Variants in CLSTN2 observed in about 807,000 individuals in gnomAD.
CLSTN2 encodes calsyntenin 2.
Under a neutral mutation model 101.2 loss-of-function variants are expected in CLSTN2, and 48 were observed. The observed-to-expected ratio is 0.47, with a 90% CI of 0.38 to 0.60. The LOEUF is 0.60. Among genes scored for constraint, CLSTN2 ranks in the 20% least tolerant of loss-of-function variants. CLSTN2 has a pLI of 0.00. For synonymous variants in CLSTN2, 481 were observed against 463.6 expected (o/e 1.04, Z -0.48); for missense variants, 1,160 against 1,238.2 (o/e 0.94, Z 0.95).
intron 8 of CLSTN2, among the ~76,000 whole-genome samples, chr3:140,483,279 C>G (rs1253302517): frequency 1.3e-5 from 2 of 152,088 alleles, no homozygotes; most frequent in Non-Finnish European, 2.9e-5. Context: ...ATCCTGAGTT[C>G]TAGTTTGATT....
At position 140,026,647 on chromosome 3, in the gene CLSTN2, G is replaced by A. The variant is rs550657525; in HGVS notation, c.109+91164G>A. Among the ~76,000 whole-genome samples the A allele has an allele frequency of 1.1e-4, 17 of 152,302 alleles. No individual in the cohort carries two copies. In the South Asian group the frequency reaches 3.5e-3, roughly 32 times the overall value. On this transcript the variant is annotated intron_variant, in intron 1 of 16. Transcript: ENST00000458420. Reference sequence around the variant, plus strand: ...CCCTCAGGGATCTTGGCCTCAGATGGCAAGGTGACCTTCCAGGCTGAATGG... The same window carrying A: ...CCCTCAGGGATCTTGGCCTCAGATGACAAGGTGACCTTCCAGGCTGAATGG...
At chr3:140,196,525 T>G (rs1264412841) in intron 2 of CLSTN2, among the ~76,000 whole-genome samples, 6 of 152,216 alleles carry the variant, frequency 3.9e-5, no homozygotes, top group Non-Finnish European at 7.3e-5. Context: ...GATATACCCA[T>G]GAAGTCTCCA....
chr3:139,982,882 C>A (rs377198689), intron 1 of CLSTN2, among the ~76,000 whole-genome samples: 5 of 151,430 alleles, frequency 3.3e-5, no homozygotes, highest in African/African-American at 9.7e-5. Flanking sequence ...TAGAGAGAGA[C>A]CATATGTATA....
At chr3:140,213,798 G>A (rs1280571532) in intron 2 of CLSTN2, among the ~76,000 whole-genome samples, 1 of 152,048 alleles carries the variant, frequency 6.6e-6, no homozygotes, top group Non-Finnish European at 1.5e-5. Flanking sequence ...TTGTGTATTG[G>A]CTTCAGTAAG....
chr3:140,128,043 G>A lies in CLSTN2; in HGVS notation c.110-47908G>A, dbSNP rs191349003. Among the ~76,000 whole-genome samples, 10 of 152,228 alleles carry A rather than the reference G, an allele frequency of 6.6e-5. No homozygotes were observed. In the East Asian group the frequency reaches 1.9e-3, roughly 29 times the overall value. On this transcript the variant is annotated intron_variant, in intron 1 of 16. Transcript: ENST00000458420. Reference sequence around the variant, plus strand: ...AGGATTCTTTGTTCTAATAAATAATGGATTCATTGTAGGGGTTCTTAACCT... The same window carrying A: ...AGGATTCTTTGTTCTAATAAATAATAGATTCATTGTAGGGGTTCTTAACCT...
chr3:140,413,429 A>C (rs1259754072), intron 4 of CLSTN2, among the ~76,000 whole-genome samples: 1 of 152,180 alleles, frequency 6.6e-6, no homozygotes, highest in East Asian at 1.9e-4. Context: ...CCCATCAAAG[A>C]AAATCCCAGG....
intron 2 of CLSTN2, among the ~76,000 whole-genome samples, chr3:140,382,142 T>C (rs375589563): frequency 1.3e-4 from 20 of 152,370 alleles, no homozygotes; most frequent in South Asian, 6.2e-4. Context: ...TGCTTACCCA[T>C]TATATCTTCC....
intron 9 of CLSTN2, among the ~76,000 whole-genome samples, chr3:140,533,472 G>A (rs1935300274): frequency 6.6e-6 from 1 of 152,088 alleles, no homozygotes; most frequent in Admixed American, 6.5e-5. Context: ...CACTTTGGGA[G>A]GCCAAAGCGG....
At chr3:140,372,613 C>T (rs2087870949) in intron 2 of CLSTN2, among the ~76,000 whole-genome samples, 1 of 152,108 alleles carries the variant, frequency 6.6e-6, no homozygotes, top group African/African-American at 2.4e-5. Context: ...GAAGACAACC[C>T]TCAGAACACA....
At chr3:140,509,669 C>T (rs1407279032) in intron 8 of CLSTN2, among the ~76,000 whole-genome samples, 3 of 152,164 alleles carry the variant, frequency 2.0e-5, no homozygotes, top group African/African-American at 7.2e-5. Flanking sequence ...CTCATCTCCT[C>T]CTGGCATGTC....
intron 2 of CLSTN2, among the ~76,000 whole-genome samples, chr3:140,287,951 G>C (rs2086911361): frequency 6.6e-6 from 1 of 152,178 alleles, no homozygotes; most frequent in Non-Finnish European, 1.5e-5. Context: ...AATCTCAGAA[G>C]ACTAAGTTGC....
intron 1 of CLSTN2, among the ~76,000 whole-genome samples, chr3:140,135,763 T>A (rs1001445729): frequency 6.6e-6 from 1 of 152,294 alleles, no homozygotes; most frequent in South Asian, 2.1e-4. Context: ...CAACTATAAT[T>A]TTTTTGCAGG....
chr3:140,058,100 A>G lies in CLSTN2; in HGVS notation c.110-117851A>G, dbSNP rs190724569. Among the ~76,000 whole-genome samples the G allele has an allele frequency of 8.1e-4, 123 of 151,740 alleles. 1 individual carries two copies. Among genetic ancestry groups the G allele is most frequent in the Middle Eastern group, 3.4e-3 (1 of 292 alleles). Reference sequence around the variant, plus strand: ...TGACTGCTTCCATTTAAAAAAAAAAATTTCAAAAACTAAACACTCAGGCAT... The same window carrying G: ...TGACTGCTTCCATTTAAAAAAAAAAGTTTCAAAAACTAAACACTCAGGCAT... On this transcript the variant is annotated intron_variant, in intron 1 of 16. Coordinates refer to ENST00000458420, the MANE Select transcript of CLSTN2 (RefSeq NM_022131.3).
chr3:140,069,730 T>G (rs566618926), intron 1 of CLSTN2, among the ~76,000 whole-genome samples: 2 of 152,312 alleles, frequency 1.3e-5, no homozygotes, highest in East Asian at 1.9e-4. Context: ...AGCTAGACTC[T>G]GAAGTCTGTG....
intron 1 of CLSTN2, among the ~76,000 whole-genome samples, chr3:140,052,303 C>T (rs1205907409): frequency 6.6e-6 from 1 of 152,060 alleles, no homozygotes; most frequent in South Asian, 2.1e-4. Context: ...GGACTACAGG[C>T]GCACGCCACC....
chr3:140,077,117 G>A (rs1292976326), intron 1 of CLSTN2, among the ~76,000 whole-genome samples: 2 of 152,206 alleles, frequency 1.3e-5, no homozygotes, highest in East Asian at 1.9e-4. Context: ...GCATGTAGAA[G>A]TTATTAGAAA....
chr3:140,481,811 T>G (rs1934123377), intron 8 of CLSTN2, among the ~76,000 whole-genome samples: 1 of 152,254 alleles, frequency 6.6e-6, no homozygotes, highest in African/African-American at 2.4e-5. Flanking sequence ...ATCCTGAGAC[T>G]TTGCTGAAGT....
At chr3:140,179,042 T>A (rs2010367414) in intron 2 of CLSTN2, among the ~76,000 whole-genome samples, 1 of 152,196 alleles carries the variant, frequency 6.6e-6, no homozygotes, top group Non-Finnish European at 1.5e-5. Flanking sequence ...CTTACACATA[T>A]CATTTAGAAT....
chr3:140,509,222 C>T (rs1934747717), intron 8 of CLSTN2, among the ~76,000 whole-genome samples: 1 of 152,152 alleles, frequency 6.6e-6, no homozygotes, highest in African/African-American at 2.4e-5. Context: ...AGCAGGAGGA[C>T]AAATGTGGTC....
Sources: gnomAD v4.1 joint callset for allele counts (sites outside exome capture counted in the v4.1 genomes callset) on GRCh38, gnomAD v4.1.1 for gene constraint, MANE v1.5 for transcripts, NCBI Gene and HGNC (gene_info 2026-07-23, HGNC 2026-07-21) for gene names.